Variants in ZNF423 observed in about 807,000 individuals in gnomAD.
ZNF423 encodes the protein Ebf-associated zinc finger protein.
A neutral mutation model predicts 95.8 loss-of-function variants in ZNF423; 12 were observed. That is an observed-to-expected ratio of 0.13 (90% CI 0.08 to 0.20). The LOEUF (loss-of-function observed/expected upper bound fraction) is 0.20. Ranked by LOEUF, ZNF423 falls within the 10% of genes least tolerant of loss-of-function variation. The probability of loss-of-function intolerance (pLI) is 1.00; values close to 1 mark genes in which losing one functional copy is unlikely to be tolerated. For missense variants in ZNF423, 1,316 were observed against 1,737.1 expected (o/e 0.76, Z 4.31); for synonymous variants, 749 against 711.9 (o/e 1.05, Z -0.83).
intron 2 of ZNF423, among the ~76,000 whole-genome samples, chr16:49,732,156 A>C (rs1006178377): frequency 2.0e-5 from 3 of 152,174 alleles, no homozygotes; most frequent in African/African-American, 7.2e-5. Context: ...TCCAACCAGA[A>C]GAAGCAACAG....
intron 2 of ZNF423, among the ~76,000 whole-genome samples, chr16:49,788,188 G>A (rs1231096983): frequency 6.6e-6 from 1 of 152,184 alleles, no homozygotes; most frequent in Non-Finnish European, 1.5e-5. Flanking sequence ...AAGGGCCAGG[G>A]CACCTGCAGC....
chr16:49,843,931 T>G (rs537618289), intron 1 of ZNF423, among the ~76,000 whole-genome samples: 4 of 152,252 alleles, frequency 2.6e-5, no homozygotes, highest in Non-Finnish European at 5.9e-5. Context: ...TTCTGAGCCA[T>G]GGCAATGATG....
chr16:49,504,788 G>A (rs1967566272), intron 7 of ZNF423, among the ~76,000 whole-genome samples: 1 of 152,186 alleles, frequency 6.6e-6, no homozygotes. Flanking sequence ...CTTTCTCTGT[G>A]CTGCTGGGGC....
intron 5 of ZNF423, among the ~76,000 whole-genome samples, chr16:49,561,652 C>T (rs796403894): frequency 6.6e-6 from 1 of 152,194 alleles, no homozygotes; most frequent in African/African-American, 2.4e-5. Context: ...CCTATTACTG[C>T]AAATTTGCTG....
intron 1 of ZNF423, among the ~76,000 whole-genome samples, chr16:49,819,166 C>T (rs993539580): frequency 1.0e-4 from 15 of 143,868 alleles, no homozygotes; most frequent in African/African-American, 1.3e-4. Context: ...GGCAGAATGG[C>T]GTGAACCCGG....
At chr16:49,784,159 G>A (rs2034271304) in intron 2 of ZNF423, among the ~76,000 whole-genome samples, 2 of 152,110 alleles carry the variant, frequency 1.3e-5, no homozygotes, top group South Asian at 2.1e-4. Flanking sequence ...TCCTCCAAAG[G>A]TTAAACATAA....
At chr16:49,747,676 T>C (rs535827356) in intron 2 of ZNF423, among the ~76,000 whole-genome samples, 1 of 150,070 alleles carries the variant, frequency 6.7e-6, no homozygotes, top group South Asian at 2.1e-4. Flanking sequence ...AAAAACACCA[T>C]TGCTGAGCCA....
intron 7 of ZNF423, among the ~76,000 whole-genome samples, chr16:49,519,356 G>A (rs879909214): frequency 2.0e-5 from 3 of 152,164 alleles, no homozygotes; most frequent in Non-Finnish European, 4.4e-5. Context: ...ATAAGAAACT[G>A]ACAAATATTT....
At chr16:49,712,802 G>T (rs1400680262) in intron 3 of ZNF423, among the ~76,000 whole-genome samples, 1 of 152,226 alleles carries the variant, frequency 6.6e-6, no homozygotes, top group Non-Finnish European at 1.5e-5. Context: ...AATACATAAT[G>T]AACAAAGAGG....
chr16:49,569,931 G>A (rs1021996586), intron 5 of ZNF423, among the ~76,000 whole-genome samples: 2 of 152,158 alleles, frequency 1.3e-5, no homozygotes, highest in African/African-American at 4.8e-5. Flanking sequence ...GATGTGGCAG[G>A]GGCGTAAGCA....
chr16:49,765,555 C>CAA (rs2033915051), intron 2 of ZNF423, among the ~76,000 whole-genome samples: 1 of 151,446 alleles, frequency 6.6e-6, no homozygotes, highest in Non-Finnish European at 1.5e-5. Flanking sequence ...CACACACACA[C>CAA]ACACACAAAT....
At chr16:49,793,313 G>C (rs949481635) in intron 1 of ZNF423, among the ~76,000 whole-genome samples, 2 of 152,142 alleles carry the variant, frequency 1.3e-5, no homozygotes, top group African/African-American at 4.8e-5. Context: ...CTCTCTGGGG[G>C]CCCAAGCAGC....
chr16:49,584,088 C>A (rs1416782783), intron 5 of ZNF423, among the ~76,000 whole-genome samples: 2 of 152,164 alleles, frequency 1.3e-5, no homozygotes, highest in African/African-American at 4.8e-5. Context: ...TTGTAGGCAC[C>A]AACACCCATG....
chr16:49,572,308 G>A (rs1236925317), intron 5 of ZNF423, among the ~76,000 whole-genome samples: 4 of 152,208 alleles, frequency 2.6e-5, no homozygotes, highest in Admixed American at 2.0e-4. Context: ...AGTAAAAGGA[G>A]GGAGAGGCAT....
chr16:49,600,042 C>T (rs538112630), intron 5 of ZNF423, among the ~76,000 whole-genome samples: 2 of 152,152 alleles, frequency 1.3e-5, no homozygotes, highest in Non-Finnish European at 2.9e-5. Context: ...GGCAAGAGGC[C>T]GGGCGTGGTG....
rs1188002308 is a variant in ZNF423 at position 49,738,607 on chromosome 16, G to T, written c.101-7636C>A. ...ATAGGAGCCTTGTGGGGTTTCGAGG[G>T]GATAGGGGAGGCCAGAGCAGGGATG... On this transcript the variant is annotated intron_variant, in intron 2 of 7. Transcript: ENST00000563137. 1.3e-5 allele frequency among the ~76,000 whole-genome samples: 2 copies of T among 152,158 alleles called. 1 individual carries two copies. The highest frequency in any genetic ancestry group is 4.1e-4 in the South Asian group (2 of 4,824).
intron 1 of ZNF423, among the ~76,000 whole-genome samples, chr16:49,815,907 T>C (rs1703331891): frequency 2.3e-5 from 1 of 42,824 alleles, no homozygotes; most frequent in Admixed American, 3.0e-4. Context: ...TATATATATA[T>C]ATATATATTT....
At chr16:49,697,483 T>C (rs2032018699) in intron 3 of ZNF423, among the ~76,000 whole-genome samples, 1 of 151,992 alleles carries the variant, frequency 6.6e-6, no homozygotes, top group South Asian at 2.1e-4. Context: ...AGGCCATTCC[T>C]GATCAATTCC....
intron 1 of ZNF423, among the ~76,000 whole-genome samples, chr16:49,805,873 A>T (rs1045556956): frequency 6.6e-6 from 1 of 152,232 alleles, no homozygotes; most frequent in African/African-American, 2.4e-5. Context: ...AGCAACACGA[A>T]ATAGGATGAT....
Sources: gnomAD v4.1 joint callset for allele counts (sites outside exome capture counted in the v4.1 genomes callset) on GRCh38, gnomAD v4.1.1 for gene constraint, MANE v1.5 for transcripts, NCBI Gene and HGNC (gene_info 2026-07-23, HGNC 2026-07-21) for gene names.